SGCZ: variants seen among roughly 807,000 people sequenced by gnomAD.
SGCZ encodes the protein sarcoglycan zeta.
Under a neutral mutation model 41.3 loss-of-function variants are expected in SGCZ, and 40 were observed. That is an observed-to-expected ratio of 0.97 (90% CI 0.75 to 1.26). SGCZ has a LOEUF of 1.26. SGCZ is among the 50% of genes most tolerant of loss of function. The pLI is 0.00. For missense variants in SGCZ, 552 were observed against 369.8 expected, an observed-to-expected ratio of 1.49 and a Z score of -4.04; for synonymous variants, 206 against 137.5, an observed-to-expected ratio of 1.50 and a Z score of -3.49.
intron 1 of SGCZ, among the ~76,000 whole-genome samples, chr8:14,638,061 G>A (rs1017202385): frequency 1.3e-5 from 2 of 151,804 alleles, no homozygotes; most frequent in Non-Finnish European, 2.9e-5. Flanking sequence ...TTTCTCTGAC[G>A]ATCAGTGACG....
intron 4 of SGCZ, among the ~76,000 whole-genome samples, chr8:14,177,674 T>TA (rs1451995008): frequency 1.9e-5 from 2 of 104,020 alleles, no homozygotes; most frequent in Non-Finnish European, 3.9e-5. Context: ...CACGCCCTGC[T>TA]ATTTTTTTTT....
chr8:14,286,135 A>G (rs1800618842), intron 3 of SGCZ, among the ~76,000 whole-genome samples: 1 of 151,892 alleles, frequency 6.6e-6, no homozygotes. Flanking sequence ...CTTATGCACA[A>G]GTCTTTTAGT....
Position 14,479,731 on chromosome 8 carries a change from C to CTTTTTTTTTTTT in SGCZ, c.234+74989_234+75000dup, listed in dbSNP as rs529812029. Among the ~76,000 whole-genome samples the CTTTTTTTTTTTT allele has an allele frequency of 5.4e-3, 288 of 52,872 alleles. 36 individuals are homozygous for CTTTTTTTTTTTT. The highest frequency in any genetic ancestry group is 0.015 in the East Asian group (15 of 1,030). 34.7% of individuals were successfully genotyped at this position (52,872 alleles called of 152,430 possible). A position where few individuals can be genotyped will look rare whatever the true frequency, so the allele number is the denominator to read the frequency against. ...GTCGCATACCTCCAGAATTCTACTT[C>CTTTTTTTTTTTT]TTTTTTTTTTTTTTTTTTTTTTTTT... On this transcript the variant is annotated intron_variant, in intron 2 of 7. Coordinates refer to ENST00000382080, the MANE Select transcript of SGCZ (RefSeq NM_139167.4).
At chr8:14,270,283 G>A (rs1800014776) in intron 3 of SGCZ, among the ~76,000 whole-genome samples, 1 of 152,028 alleles carries the variant, frequency 6.6e-6, no homozygotes, top group Non-Finnish European at 1.5e-5. Context: ...AGTGAGCCGA[G>A]ATCATGCCAC....
intron 1 of SGCZ, among the ~76,000 whole-genome samples, chr8:15,023,117 G>A (rs1803318224): frequency 6.6e-6 from 1 of 152,198 alleles, no homozygotes; most frequent in African/African-American, 2.4e-5. Flanking sequence ...GTCATCATCT[G>A]TTTCTACTCT....
At chr8:14,791,014 G>C (rs1252246707) in intron 1 of SGCZ, among the ~76,000 whole-genome samples, 3 of 147,346 alleles carry the variant, frequency 2.0e-5, no homozygotes, top group East Asian at 4.0e-4. Context: ...CTGGGCAACA[G>C]AGTGAGACTC....
intron 1 of SGCZ, among the ~76,000 whole-genome samples, chr8:14,818,591 G>T (rs935860238): frequency 6.6e-6 from 1 of 151,616 alleles, no homozygotes; most frequent in African/African-American, 2.4e-5. Flanking sequence ...CCAAAGCAAA[G>T]GACATTTACA....
chr8:14,811,341 A>C (rs1239067374), intron 1 of SGCZ, among the ~76,000 whole-genome samples: 2 of 151,826 alleles, frequency 1.3e-5, no homozygotes, highest in African/African-American at 4.8e-5. Flanking sequence ...TATAAACTTT[A>C]TTTGAATGAT....
chr8:15,217,817 G>T (rs764361868), intron 1 of SGCZ, among the ~76,000 whole-genome samples: 1 of 152,180 alleles, frequency 6.6e-6, no homozygotes, highest in South Asian at 2.1e-4. Flanking sequence ...GGCTGTGCGT[G>T]GCATTCATGC....
At chr8:14,836,312 G>A (rs975245754) in intron 1 of SGCZ, among the ~76,000 whole-genome samples, 1 of 152,014 alleles carries the variant, frequency 6.6e-6, no homozygotes, top group African/African-American at 2.4e-5. Flanking sequence ...TAAAACAGAG[G>A]GAAATAATGT....
At chr8:15,078,771 G>A (rs558248472) in intron 1 of SGCZ, among the ~76,000 whole-genome samples, 15 of 151,794 alleles carry the variant, frequency 9.9e-5, no homozygotes, top group African/African-American at 3.1e-4. Context: ...CCACTATATG[G>A]TCTTTGACTT....
intron 1 of SGCZ, among the ~76,000 whole-genome samples, chr8:14,559,161 A>T (rs1276130214): frequency 6.6e-6 from 1 of 152,120 alleles, no homozygotes; most frequent in Non-Finnish European, 1.5e-5. Flanking sequence ...AATAAAGGGC[A>T]TCCAAATTGG....
intron 1 of SGCZ, among the ~76,000 whole-genome samples, chr8:15,111,462 C>A (rs191410330): frequency 6.6e-6 from 1 of 152,184 alleles, no homozygotes; most frequent in East Asian, 1.9e-4. Context: ...CCTCAAGCCA[C>A]GGGCCAAATC....
intron 1 of SGCZ, among the ~76,000 whole-genome samples, chr8:15,101,648 C>A (rs145850014): frequency 1.8e-3 from 273 of 152,200 alleles, no homozygotes; most frequent in Non-Finnish European, 3.0e-3. Flanking sequence ...TGGTAAAAAT[C>A]GGCCAGGAGC....
At chr8:15,223,449 C>G (rs1801668217) in intron 1 of SGCZ, among the ~76,000 whole-genome samples, 1 of 152,136 alleles carries the variant, frequency 6.6e-6, no homozygotes, top group Admixed American at 6.5e-5. Flanking sequence ...TATAAAAAAG[C>G]CTAGAAATAT....
At chr8:14,601,473 A>G (rs1332492785) in intron 1 of SGCZ, among the ~76,000 whole-genome samples, 3 of 152,172 alleles carry the variant, frequency 2.0e-5, no homozygotes, top group Non-Finnish European at 4.4e-5. Context: ...AAAATCATGA[A>G]AATAAATATT....
intron 1 of SGCZ, among the ~76,000 whole-genome samples, chr8:14,940,550 A>G (rs1419950908): frequency 6.6e-6 from 1 of 152,188 alleles, no homozygotes; most frequent in African/African-American, 2.4e-5. Context: ...GTCAAAGCAT[A>G]TATAATTAAA....
chr8:14,536,076 A>G lies in SGCZ; in HGVS notation c.234+18656T>C, dbSNP rs544577050. On this transcript the variant is annotated intron_variant, in intron 2 of 7. Transcript: ENST00000382080. ...GGGGAAATACACTCATATTAAACAC[A>G]TTCAAAATAAACACTAAGTCTCAAA... is the stretch of plus-strand genomic sequence containing the variant. 1.4e-4 allele frequency among the ~76,000 whole-genome samples: 21 copies of G among 152,012 alleles called. No homozygotes were observed. In the South Asian group the frequency reaches 4.3e-3, roughly 31 times the overall value.
At chr8:14,659,875 G>A (rs189083488) in intron 1 of SGCZ, among the ~76,000 whole-genome samples, 1 of 152,122 alleles carries the variant, frequency 6.6e-6, no homozygotes, top group African/African-American at 2.4e-5. Flanking sequence ...ACCTATTACA[G>A]GTCACACTTT....
Sources: gnomAD v4.1 joint callset for allele counts (sites outside exome capture counted in the v4.1 genomes callset) on GRCh38, gnomAD v4.1.1 for gene constraint, MANE v1.5 for transcripts, NCBI Gene and HGNC (gene_info 2026-07-23, HGNC 2026-07-21) for gene names.